The following ZSCAN20 variants were observed in gnomAD, a reference collection of about 807,000 sequenced individuals.
ZSCAN20 encodes zinc finger and SCAN domain-containing protein 20.
A neutral mutation model predicts 97.1 loss-of-function variants in ZSCAN20; 39 were observed. That is an observed-to-expected ratio of 0.40 (90% CI 0.31 to 0.52). The LOEUF (loss-of-function observed/expected upper bound fraction) is 0.52, where lower values mean the gene tolerates loss of function less well. ZSCAN20 is among the 20% of genes least tolerant of loss of function. The pLI, the probability that ZSCAN20 is intolerant of heterozygous loss-of-function variation, is 0.49. For synonymous variants in ZSCAN20, 456 were observed against 467.3 expected, an observed-to-expected ratio of 0.98 and a Z score of 0.31; for missense variants, 1,115 against 1,290.4, an observed-to-expected ratio of 0.86 and a Z score of 2.08.
At chr1:33,489,703 T>C in intron 5 of ZSCAN20, 101 bp downstream of exon 5, 1 of 1,055,132 alleles carries the variant, frequency 9.5e-7, no homozygotes, top group Middle Eastern at 2.0e-4. Context: ...GGCTCTGCAG[T>C]CTCTGGAATT....
rs529639452 is a variant in ZSCAN20, at chr1:33,499,393, A to G, written c.*3917A>G. ...CTCTCTTTTCTTCTGTGTAGATGCT[A>G]ATGACTTCCAGATCTGTGTCCTGCT... On this transcript the variant is annotated 3_prime_UTR_variant, in exon 8 of 8. Coordinates refer to ENST00000684572, the MANE Select transcript of ZSCAN20 (RefSeq NM_001377376.1). 2.7e-4 allele frequency among the ~76,000 whole-genome samples: 40 copies of G among 150,940 alleles called. No homozygotes were observed. The South Asian group carries it at 5.7e-3, about 21-fold the overall frequency.
In ZSCAN20 at chr1:33,497,083, G is replaced by T. The variant is rs1043001142; in HGVS notation, c.*1607G>T. Among the ~76,000 whole-genome samples the T allele has an allele frequency of 6.6e-6, 1 of 152,202 alleles. No individual in the cohort carries two copies. Among genetic ancestry groups the T allele is most frequent in the Non-Finnish European group, 1.5e-5 (1 of 68,044 alleles). On this transcript the variant is annotated 3_prime_UTR_variant, in exon 8 of 8. Transcript: ENST00000684572. ...CCTGCTTGGTTCATGGGCTGGGGAA[G>T]TACCTATCAGATAGTGGATGTGAAG...
intron 6 of ZSCAN20, chr1:33,492,007 C>T (rs1159152260): frequency 4.0e-6 from 1 of 252,144 alleles, no homozygotes; most frequent in African/African-American, 2.2e-5. Flanking sequence ...CATGAATGAA[C>T]TTTAAATTCT....
Position 33,491,933 on chromosome 1 carries a change from CAA to C in ZSCAN20, c.1444+233_1444+234del, listed in dbSNP as rs1040648056. 13 of 399,936 alleles carry C rather than the reference CAA, an allele frequency of 3.3e-5. No individual in the cohort carries two copies. The highest frequency in any genetic ancestry group is 2.4e-4 in the African/African-American group (12 of 49,004). 24.8% of individuals were successfully genotyped at this position (399,936 alleles called of 1,614,324 possible). On this transcript the variant is annotated intron_variant, in intron 6 of 7. Coordinates refer to ENST00000684572, the MANE Select transcript of ZSCAN20 (RefSeq NM_001377376.1). This position sits in a 1 kb window ranked among gnomAD's most constrained non-coding sequence, Gnocchi z 4.3. ...ACATTTTTAAAGCCTTAAGGGGCCT[CAA>C]AGAGTGAATCCAGTATTTCCAAAAG...
intron 2 of ZSCAN20, among the ~76,000 whole-genome samples, chr1:33,486,634 T>TA (rs1187403512): frequency 6.6e-6 from 1 of 152,232 alleles, no homozygotes; most frequent in Non-Finnish European, 1.5e-5. Flanking sequence ...TGTCCAAAAT[T>TA]ACCATCCATG....
At chr1:33,492,895 A>C (rs1318986499) in intron 6 of ZSCAN20, among the ~76,000 whole-genome samples, 1 of 152,116 alleles carries the variant, frequency 6.6e-6, no homozygotes, top group Non-Finnish European at 1.5e-5. Flanking sequence ...AATCAGCTAA[A>C]GCCAGGCACA....
chr1:33,481,873 A>T (rs1272323104), intron 2 of ZSCAN20, among the ~76,000 whole-genome samples: 1 of 152,150 alleles, frequency 6.6e-6, no homozygotes, highest in Non-Finnish European at 1.5e-5. Flanking sequence ...GGGATTTTTA[A>T]AAAACAGGCT....
chr1:33,486,898 T>TGG (rs2148461755), intron 2 of ZSCAN20, among the ~76,000 whole-genome samples: 1 of 152,322 alleles, frequency 6.6e-6, no homozygotes, highest in Non-Finnish European at 1.5e-5. Flanking sequence ...GTCTTCTCAA[T>TGG]GGTAAAAATC....
Position 33,491,507 on chromosome 1 carries a change from G to C in ZSCAN20, c.1249G>C (p.Ala417Pro), listed in dbSNP as rs751355113. The C allele has an allele frequency of 6.2e-7, 1 of 1,614,092 alleles. No homozygotes were observed. ...ALVRARTAIRATDGPGEAVAL... is the reference protein window; with the variant it reads ...ALVRARTAIRPTDGPGEAVAL... ...GGTCAGGGCTCGGACAGCCATCAGA[G>C]CCACAGATGGCCCAGGAGAGGCCGT... Residue 417 changes from alanine (A) to proline (P), a missense_variant, in exon 6 of 8, where the codon GCC (alanine) becomes CCC (proline). Transcript: ENST00000684572. This position sits in a 1 kb window ranked among gnomAD's most constrained non-coding sequence, Gnocchi z 4.3.
At chr1:33,486,162 A>G (rs555339219) in intron 2 of ZSCAN20, among the ~76,000 whole-genome samples, 27 of 152,332 alleles carry the variant, frequency 1.8e-4, no homozygotes, top group African/African-American at 6.0e-4. Context: ...TTTTCCTGCC[A>G]TCTGCCATAA....
In ZSCAN20 at chr1:33,499,768, AT is replaced by A. The variant is rs142324411; in HGVS notation, c.*4300del. On this transcript the variant is annotated 3_prime_UTR_variant, in exon 8 of 8. Coordinates refer to ENST00000684572, the MANE Select transcript of ZSCAN20 (RefSeq NM_001377376.1). Reference sequence around the variant, plus strand: ...ATCATTCAAAATATTCCCTTACCCCATTTTTTTTGGGGGGGAGATGGGGGTC... The same window carrying A: ...ATCATTCAAAATATTCCCTTACCCCATTTTTTTGGGGGGGAGATGGGGGTC... Among the ~76,000 whole-genome samples, 2 of 151,852 alleles carry A rather than the reference AT, an allele frequency of 1.3e-5. No homozygotes were observed. Among genetic ancestry groups the A allele is most frequent in the Non-Finnish European group, 2.9e-5 (2 of 67,938 alleles).
Position 33,493,439 on chromosome 1 carries a change from A to G in ZSCAN20, c.1697A>G (p.Asp566Gly). ...PGTCPFYEEL[D>G]SLMRARAAVR... ...ACATGCCCTTTCTATGAGGAACTGG[A>G]CTCGCTGATGAGGGCTCGGGCTGCA... The change falls in exon 7 of 8, where the codon GAC (aspartate) becomes GGC (glycine). Residue 566 changes from aspartate (D) to glycine (G), a missense_variant. Asp to Gly is a moderately conservative substitution (Grantham distance 94). This residue lies in a region of ZSCAN20 where 554 missense variants were observed against 584.9 expected (regional missense o/e 0.95). Transcript: ENST00000684572. This position sits in a 1 kb window ranked among gnomAD's most constrained non-coding sequence, Gnocchi z 4.3. 6.2e-7 allele frequency: 1 copy of G among 1,614,094 alleles called. No homozygotes were observed. Among genetic ancestry groups the G allele is most frequent in the Admixed American group, 1.7e-5 (1 of 60,024 alleles).
Position 33,489,535 on chromosome 1 carries a change from C to A in ZSCAN20, c.699C>A (p.Gly233=), listed in dbSNP as rs1210108349. The change falls in exon 5 of 8, where the codon GGC becomes GGA. Residue 233 remains glycine, a synonymous_variant. Coordinates refer to ENST00000684572, the MANE Select transcript of ZSCAN20 (RefSeq NM_001377376.1). ...TCTCGCAGGAAGCCCTGGGCCCTGG[C>A]AAACATGCTGAGAAGGAGCTCTGTA... ...TAESQEALGP[G]KHAEKELCKD... 3 of 1,614,058 alleles carry A rather than the reference C, an allele frequency of 1.9e-6. No individual in the cohort carries two copies. The highest frequency in any genetic ancestry group is 2.2e-5 in the South Asian group (2 of 91,074).
In ZSCAN20 at chr1:33,498,864, C is replaced by T. The variant is rs1397656041; in HGVS notation, c.*3388C>T. Among the ~76,000 whole-genome samples, 1 of 152,188 alleles carries T rather than the reference C, an allele frequency of 6.6e-6. No homozygotes were observed. Among genetic ancestry groups the T allele is most frequent in the African/African-American group, 2.4e-5 (1 of 41,448 alleles). ...AAAGGACCTTAGGCCTCCCATTCCT[C>T]AGACCCCCAGAGGCAGCAGACCCAA... On this transcript the variant is annotated 3_prime_UTR_variant, in exon 8 of 8. Transcript: ENST00000684572.
At chr1:33,488,790 G>A (rs988002519) in intron 3 of ZSCAN20, 139 bp downstream of exon 3, 2 of 932,760 alleles carry the variant, frequency 2.1e-6, no homozygotes, top group South Asian at 3.3e-5. Context: ...CACACTTACT[G>A]AGAAGTAAGC....
chr1:33,493,443 G>T lies in ZSCAN20; in HGVS notation c.1701G>T (p.Ser567=), dbSNP rs777730587. 18 of 1,614,074 alleles carry T rather than the reference G, an allele frequency of 1.1e-5. No homozygotes were observed. Among genetic ancestry groups the T allele is most frequent in the African/African-American group, 1.1e-4 (8 of 74,916 alleles). Residue 567 remains serine, a synonymous_variant, in exon 7 of 8, where the codon TCG becomes TCT. Transcript: ENST00000684572. The surrounding 1 kb of genome is among the most constrained non-coding windows in gnomAD (Gnocchi z 4.3). ...GTCPFYEELD[S]LMRARAAVRA... ...GCCCTTTCTATGAGGAACTGGACTC[G>T]CTGATGAGGGCTCGGGCTGCAGTCA...
intron 1 of ZSCAN20, 90 bp from the exon 2 acceptor site, chr1:33,479,089 T>C: frequency 3.5e-6 from 2 of 564,692 alleles, no homozygotes; most frequent in Non-Finnish European, 6.0e-6. Context: ...TCTGCCCCCA[T>C]GCAAAGGTGG....
intron 2 of ZSCAN20, among the ~76,000 whole-genome samples, chr1:33,487,333 A>G (rs1652409055): frequency 6.6e-6 from 1 of 152,158 alleles, no homozygotes; most frequent in African/African-American, 2.4e-5. Context: ...AGATTGTTAT[A>G]TTTTGGAGGT....
At position 33,497,229 on chromosome 1, in the gene ZSCAN20, A is replaced by G. The variant is rs993354975; in HGVS notation, c.*1753A>G. On this transcript the variant is annotated 3_prime_UTR_variant, in exon 8 of 8. Coordinates refer to ENST00000684572, the MANE Select transcript of ZSCAN20 (RefSeq NM_001377376.1). Reference sequence around the variant, plus strand: ...CTGCTTCAGAACCTCCTTTCCCAAGAACCAGCCCCACTAGGATCACCGTCA... The same window carrying G: ...CTGCTTCAGAACCTCCTTTCCCAAGGACCAGCCCCACTAGGATCACCGTCA... Among the ~76,000 whole-genome samples, 7 of 152,156 alleles carry G rather than the reference A, an allele frequency of 4.6e-5. No homozygotes were observed. The highest frequency in any genetic ancestry group is 1.7e-4 in the African/African-American group (7 of 41,416).
Sources: gnomAD v4.1 joint callset for allele counts (sites outside exome capture counted in the v4.1 genomes callset) on GRCh38, gnomAD v4.1.1 for gene constraint, gnomAD v4.1.1 regional missense constraint, Gnocchi (gnomAD v3.1) non-coding constraint, MANE v1.5 for transcripts, NCBI Gene and HGNC (gene_info 2026-07-23, HGNC 2026-07-21) for gene names.